The following AZIN2 variants were observed in gnomAD, a reference collection of about 807,000 sequenced individuals.
AZIN2 encodes the protein antizyme inhibitor 2.
AZIN2 carries 28 observed loss-of-function variants against 47.8 expected under a neutral mutation model. That is an observed-to-expected ratio of 0.59 (90% confidence interval 0.43 to 0.80). The LOEUF (loss-of-function observed/expected upper bound fraction) is 0.80. AZIN2 is among the 30% of genes least tolerant of loss of function. AZIN2 has a pLI of 0.00. For missense variants in AZIN2, 535 were observed against 582.5 expected (o/e 0.92, Z 0.84); for synonymous variants, 221 against 239.4 (o/e 0.92, Z 0.71).
At chr1:33,087,495 G>A (rs779585804) in intron 5 of AZIN2, among the ~76,000 whole-genome samples, 29 of 151,430 alleles carry the variant, frequency 1.9e-4, no homozygotes, top group Admixed American at 3.9e-4. Context: ...GGAGTGCAGT[G>A]GCGTGATCTC....
the AZIN2 span, among the ~76,000 whole-genome samples, chr1:33,139,111 A>G: frequency 1.3e-5 from 2 of 152,214 alleles, no homozygotes; most frequent in Admixed American, 6.5e-5. Context: ...AATGAGCACA[A>G]GTTATGTTAT....
In AZIN2 at chr1:33,091,903, A is replaced by T. The variant is rs60058805; in HGVS notation, c.280-147A>T. 6,021 of 758,312 alleles carry T rather than the reference A, an allele frequency of 7.9e-3. 267 individuals carry two copies. The African/African-American group carries it at 0.092, about 12-fold the overall frequency. The allele number at this position is 758,312 out of a possible 1,614,324, so 47.0% of individuals were successfully genotyped here. A position where few individuals can be genotyped will look rare whatever the true frequency, so the allele number is the denominator to read the frequency against. ...ATGGTGAATCCATGTAAGTCCTGATATCTATGTATCTGTTGTCTTAGAGCA... is the reference window on the plus strand; with the variant it reads ...ATGGTGAATCCATGTAAGTCCTGATTTCTATGTATCTGTTGTCTTAGAGCA... On this transcript the variant is annotated intron_variant, in intron 5 of 11. Transcript: ENST00000294517.
the AZIN2 span, among the ~76,000 whole-genome samples, chr1:33,151,976 G>A: frequency 2.0e-5 from 3 of 152,246 alleles, no homozygotes; most frequent in African/African-American, 4.8e-5. Context: ...GGCTGTAAGC[G>A]TTTTCCTCTG....
At chr1:33,094,841 G>A (rs890058692) in intron 8 of AZIN2, 128 bp downstream of exon 8, 2 of 1,005,078 alleles carry the variant, frequency 2.0e-6, no homozygotes, top group African/African-American at 3.2e-5. Flanking sequence ...TGCTTACCTG[G>A]GTGATCTCAC....
downstream of AZIN2, among the ~76,000 whole-genome samples, chr1:33,125,317 G>A (rs1644849074): frequency 6.6e-6 from 1 of 152,206 alleles, no homozygotes; most frequent in Non-Finnish European, 1.5e-5. Context: ...AAAATGATCT[G>A]ATTGTCAGTC....
chr1:33,092,554 G>T (rs759972147), intron 6 of AZIN2, among the ~76,000 whole-genome samples: 1 of 152,206 alleles, frequency 6.6e-6, no homozygotes, highest in East Asian at 1.9e-4. Context: ...TGAGAGAGTC[G>T]AGGGAGTGGT....
At chr1:33,086,640 C>T (rs1641934974) in intron 5 of AZIN2, among the ~76,000 whole-genome samples, 1 of 152,244 alleles carries the variant, frequency 6.6e-6, no homozygotes, top group Non-Finnish European at 1.5e-5. Context: ...TGCAGACAGA[C>T]ATGCGTTGGA....
the AZIN2 span, among the ~76,000 whole-genome samples, chr1:33,155,710 C>A: frequency 2.2e-4 from 34 of 152,338 alleles, no homozygotes; most frequent in Middle Eastern, 3.4e-3. Flanking sequence ...TCCCACTTCT[C>A]AGGGAGAATT....
the AZIN2 span, among the ~76,000 whole-genome samples, chr1:33,133,051 C>T: frequency 2.6e-5 from 4 of 152,236 alleles, no homozygotes; most frequent in Non-Finnish European, 1.5e-5. Context: ...TGGTAAGGTT[C>T]CCTGCGGAGG....
the AZIN2 span, chr1:33,163,903 AC>A: frequency 1.3e-5 from 2 of 152,908 alleles, no homozygotes; most frequent in Non-Finnish European, 2.9e-5. Context: ...GCCCCACAGG[AC>A]CCCCCAGAGG....
At chr1:33,112,484 A>G (rs957711810) in intron 10 of AZIN2, among the ~76,000 whole-genome samples, 1 of 152,206 alleles carries the variant, frequency 6.6e-6, no homozygotes, top group Non-Finnish European at 1.5e-5. Flanking sequence ...AAAGTGTGCA[A>G]AACTAAACAA....
chr1:33,150,583 G>C, the AZIN2 span, among the ~76,000 whole-genome samples: 1 of 152,210 alleles, frequency 6.6e-6, no homozygotes, highest in Non-Finnish European at 1.5e-5. Context: ...TCTGTCCAGG[G>C]ACATAGAAGA....
the AZIN2 span, among the ~76,000 whole-genome samples, chr1:33,137,941 C>T: frequency 2.0e-5 from 3 of 152,168 alleles, no homozygotes; most frequent in Admixed American, 6.5e-5. Flanking sequence ...GCAGCAGAGC[C>T]GAGGAGCTGA....
At chr1:33,108,138 C>T (rs1243207267) in intron 10 of AZIN2, among the ~76,000 whole-genome samples, 1 of 151,982 alleles carries the variant, frequency 6.6e-6, no homozygotes, top group African/African-American at 2.4e-5. Context: ...ACATATAGAC[C>T]AGTGGAATAG....
At chr1:33,092,794 G>T (rs1276466538) in intron 6 of AZIN2, among the ~76,000 whole-genome samples, 1 of 152,170 alleles carries the variant, frequency 6.6e-6, no homozygotes, top group African/African-American at 2.4e-5. Flanking sequence ...TTTCGAAGGG[G>T]TCAGGGCTGG....
intron 4 of AZIN2, 199 bp downstream of exon 4, chr1:33,082,553 C>T (rs748284403): frequency 9.9e-6 from 5 of 503,622 alleles, no homozygotes; most frequent in African/African-American, 2.0e-5. Flanking sequence ...TGCCTTTTTA[C>T]CCAGCCCTCC....
chr1:33,111,114 G>T (rs1356060053), intron 10 of AZIN2, among the ~76,000 whole-genome samples: 1 of 152,258 alleles, frequency 6.6e-6, no homozygotes, highest in African/African-American at 2.4e-5. Context: ...GCTGGAAGGT[G>T]CAGGCCAGGG....
In AZIN2 at chr1:33,093,304, G is replaced by A. The variant is rs747084922; in HGVS notation, c.475G>A (p.Asp159Asn). 1.1e-5 allele frequency: 17 copies of A among 1,613,916 alleles called. No individual in the cohort carries two copies. Among genetic ancestry groups the A allele is most frequent in the South Asian group, 3.3e-5 (3 of 91,086 alleles). The change falls in exon 7 of 12, where the codon GAT becomes AAT. Residue 159 changes from aspartate to asparagine, a missense_variant. Around this residue, in one of 3 missense-constraint regions of AZIN2, gnomAD observed 409 missense variants for 429.0 expected, o/e 0.95. Transcript: ENST00000294517. ...SAKMVLCIAT[D>N]DSHSLSCLSL... ...CAGGATGGTTCTGTGCATTGCTACC[G>A]ATGACTCCCACTCCCTGAGCTGCCT...
At chr1:33,109,616 A>T (rs1195437503) in intron 10 of AZIN2, among the ~76,000 whole-genome samples, 3 of 152,072 alleles carry the variant, frequency 2.0e-5, no homozygotes, top group African/African-American at 7.2e-5. Flanking sequence ...GGTGTGAGTC[A>T]CCACGCCTGG....
Sources: allele counts gnomAD v4.1 joint callset (sites outside exome capture counted in the v4.1 genomes callset), GRCh38; gene constraint gnomAD v4.1.1; regional missense constraint gnomAD v4.1.1; transcripts MANE v1.5; gene names NCBI Gene and HGNC (gene_info 2026-07-23, HGNC 2026-07-21).